Variants in LRRC74A observed in about 807,000 individuals in gnomAD.
The protein encoded by LRRC74A is leucine-rich repeat-containing protein 74A.
A neutral mutation model predicts 57.9 loss-of-function variants in LRRC74A; 44 were observed. The observed-to-expected ratio is 0.76, with a 90% confidence interval of 0.60 to 0.98. LRRC74A has a LOEUF of 0.98. LRRC74A is among the 50% of genes least tolerant of loss of function. The pLI, the probability that LRRC74A is intolerant of heterozygous loss-of-function variation, is 0.00. For synonymous variants in LRRC74A, 211 were observed against 219.4 expected (o/e 0.96, Z 0.34); for missense variants, 572 against 574.0 (o/e 1.00, Z 0.04).
intron 11 of LRRC74A, among the ~76,000 whole-genome samples, chr14:76,864,487 A>AAT (rs1214045051): frequency 1.3e-5 from 2 of 151,774 alleles, no homozygotes; most frequent in Non-Finnish European, 2.9e-5. Flanking sequence ...GACCCAAAAG[A>AAT]ATACTGTAAT....
At chr14:76,860,895 A>G (rs1898251832) in intron 11 of LRRC74A, 56 bp downstream of exon 11, 1 of 1,457,892 alleles carries the variant, frequency 6.9e-7, no homozygotes, top group Non-Finnish European at 9.3e-7. Flanking sequence ...AAGCTGGCCA[A>G]TGGCTCCAAA....
At chr14:76,839,952 A>G (rs1896637315) in intron 5 of LRRC74A, among the ~76,000 whole-genome samples, 1 of 151,782 alleles carries the variant, frequency 6.6e-6, no homozygotes, top group South Asian at 2.1e-4. Flanking sequence ...GATGGTCTCG[A>G]TCTCTTGACC....
Position 76,831,148 on chromosome 14 carries a change from G to A in LRRC74A, c.167-55G>A, listed in dbSNP as rs192434353. 571 of 1,564,000 alleles carry A rather than the reference G, an allele frequency of 3.7e-4. 1 individual carries two copies. Among genetic ancestry groups the A allele is most frequent in the Admixed American group, 1.0e-3 (61 of 58,894 alleles). ...GAGTGAATGTCACTGGGGCTAGAGGGGAGAGAAGGCAAAGGTGGAAGAGAA... is the reference window on the plus strand; with the variant it reads ...GAGTGAATGTCACTGGGGCTAGAGGAGAGAGAAGGCAAAGGTGGAAGAGAA... On this transcript the variant is annotated intron_variant, in intron 2 of 13. Coordinates refer to ENST00000689127, the MANE Select transcript of LRRC74A (RefSeq NM_001385106.1).
rs143057516 is a variant in LRRC74A, at chr14:76,830,289, A to G, written c.167-914A>G. ...GCCCTGGGATCTGAAGGAAAAACAG[A>G]TGCAGACATAGACGCCAGCTGGCCT... On this transcript the variant is annotated intron_variant, in intron 2 of 13. Transcript: ENST00000689127. Among the ~76,000 whole-genome samples, 919 of 152,354 alleles carry G rather than the reference A, an allele frequency of 6.0e-3. 3 individuals are homozygous for G. The highest frequency in any genetic ancestry group is 0.01 in the Non-Finnish European group (703 of 68,026).
At chr14:76,867,215 TGTGTGTGTGGTA>T (rs1465753588) in intron 12 of LRRC74A, 129 bp from the exon 13 acceptor site, 4 of 285,730 alleles carry the variant, frequency 1.4e-5, no homozygotes, top group Non-Finnish European at 6.3e-6. Flanking sequence ...GTGGGGTGTG[TGTGTGTGTGGTA>T]GTGTGTGTGG....
chr14:76,857,534 C>G, intron 10 of LRRC74A, 59 bp downstream of exon 10: 2 of 1,257,818 alleles, frequency 1.6e-6, no homozygotes, highest in South Asian at 1.3e-5. Context: ...CCTGTCCACT[C>G]TATACTCTGT....
chr14:76,842,803 A>G (rs1277246341), intron 5 of LRRC74A, among the ~76,000 whole-genome samples: 2 of 152,194 alleles, frequency 1.3e-5, no homozygotes, highest in African/African-American at 4.8e-5. Flanking sequence ...CTTCCCAGAA[A>G]TCACCAGTGT....
intron 3 of LRRC74A, among the ~76,000 whole-genome samples, chr14:76,834,225 G>C (rs556513390): frequency 6.6e-6 from 1 of 152,196 alleles, no homozygotes; most frequent in African/African-American, 2.4e-5. Flanking sequence ...GAACAAAGCC[G>C]TCTTGAGATT....
intron 5 of LRRC74A, among the ~76,000 whole-genome samples, 162 bp from the exon 6 acceptor site, chr14:76,844,261 C>T (rs1360481146): frequency 1.3e-5 from 2 of 152,232 alleles, no homozygotes; most frequent in Non-Finnish European, 2.9e-5. Flanking sequence ...CTTCCGCCTC[C>T]CAAAGTGCTG....
intron 9 of LRRC74A, among the ~76,000 whole-genome samples, chr14:76,853,681 C>T (rs941762631): frequency 6.6e-6 from 1 of 152,028 alleles, no homozygotes; most frequent in African/African-American, 2.4e-5. Flanking sequence ...CCTTCGGGAT[C>T]TTCTCCACCT....
intron 6 of LRRC74A, 109 bp downstream of exon 6, chr14:76,844,581 G>T (rs995401875): frequency 3.4e-6 from 4 of 1,164,990 alleles, no homozygotes; most frequent in Non-Finnish European, 5.0e-6. Flanking sequence ...CACATGTTAG[G>T]GACTGGGGAG....
At chr14:76,854,956 T>G (rs1010628148) in intron 9 of LRRC74A, among the ~76,000 whole-genome samples, 25 of 152,122 alleles carry the variant, frequency 1.6e-4, no homozygotes, top group Admixed American at 1.6e-3. Flanking sequence ...TGATTGCTTA[T>G]GCCACACAAG....
intron 10 of LRRC74A, among the ~76,000 whole-genome samples, chr14:76,859,425 C>T (rs1898131122): frequency 6.6e-6 from 1 of 151,024 alleles, no homozygotes; most frequent in African/African-American, 2.4e-5. Flanking sequence ...TCATAGCTAC[C>T]TGGGAGGCTG....
intron 5 of LRRC74A, 22 bp downstream of exon 5, chr14:76,837,993 G>C: frequency 6.9e-7 from 1 of 1,440,064 alleles, no homozygotes; most frequent in Non-Finnish European, 9.6e-7. Flanking sequence ...GAAAGGGAGG[G>C]AGAAGACACT....
intron 10 of LRRC74A, among the ~76,000 whole-genome samples, chr14:76,858,006 C>A (rs73305835): frequency 0.071 from 10,740 of 152,224 alleles, 586 homozygotes; most frequent in African/African-American, 0.15. Flanking sequence ...TGAATCAGCA[C>A]ACAGGTGGCA....
At position 76,826,647 on chromosome 14, in the gene LRRC74A, G is replaced by C. The variant is rs1895593657; in HGVS notation, c.-51G>C. 2 of 1,605,652 alleles carry C rather than the reference G, an allele frequency of 1.2e-6. No homozygotes were observed. The highest frequency in any genetic ancestry group is 2.2e-5 in the South Asian group (2 of 89,238). On this transcript the variant is annotated 5_prime_UTR_variant, in exon 1 of 14. Coordinates refer to ENST00000689127, the MANE Select transcript of LRRC74A (RefSeq NM_001385106.1). ...GACAGGTGTGCTTCTTAGGGAAGCA[G>C]TCGAGAGGTGGCAAGAAGTTGGCAG... is the stretch of plus-strand genomic sequence containing the variant.
At chr14:76,856,062 C>T (rs1001976852) in intron 9 of LRRC74A, among the ~76,000 whole-genome samples, 5 of 152,360 alleles carry the variant, frequency 3.3e-5, no homozygotes, top group African/African-American at 1.2e-4. Flanking sequence ...CTTGTTCCTT[C>T]TCCAAGCCTA....
chr14:76,828,349 C>T lies in LRRC74A; in HGVS notation c.96C>T (p.Ala32=), dbSNP rs773818563. The change falls in exon 2 of 14, where the codon GCC becomes GCT. Residue 32 remains alanine, a synonymous_variant. Transcript: ENST00000689127. ...GCGATAAAATGCTCTACTGTGAGGC[C>T]GAATCCCCGCCGACTGTTGAAAAAG... ...QSSDKMLYCE[A]ESPPTVEKVK... 50 of 1,613,454 alleles carry T rather than the reference C, an allele frequency of 3.1e-5. No individual in the cohort carries two copies. The highest frequency in any genetic ancestry group is 1.6e-4 in the East Asian group (7 of 44,870).
chr14:76,851,670 C>CTT (rs35857490), intron 7 of LRRC74A, among the ~76,000 whole-genome samples: 8 of 129,844 alleles, frequency 6.2e-5, no homozygotes, highest in East Asian at 2.4e-4. Context: ...ATAATTCTCA[C>CTT]TTTTTTTTTT....
Sources: allele counts gnomAD v4.1 joint callset (sites outside exome capture counted in the v4.1 genomes callset), GRCh38; gene constraint gnomAD v4.1.1; transcripts MANE v1.5; gene names NCBI Gene and HGNC (gene_info 2026-07-23, HGNC 2026-07-21).